STRBP: variants seen among roughly 807,000 people sequenced by gnomAD.
STRBP encodes spermatid perinuclear RNA-binding protein.
In STRBP, 13 loss-of-function variants were observed where a neutral mutation model predicts 80.1. The ratio of observed to expected loss-of-function variants is 0.16; its 90% CI spans 0.11 to 0.26. STRBP has a LOEUF of 0.26. STRBP is among the 10% of genes least tolerant of loss of function. The pLI, the probability that STRBP is intolerant of heterozygous loss-of-function variation, is 1.00. For synonymous variants in STRBP, 284 were observed against 291.2 expected (o/e 0.98, Z 0.25); for missense variants, 485 against 815.2 (o/e 0.59, Z 4.93).
At chr9:123,254,974 T>G (rs574325808) in intron 1 of STRBP, among the ~76,000 whole-genome samples, 25 of 152,336 alleles carry the variant, frequency 1.6e-4, no homozygotes, top group African/African-American at 5.8e-4. Context: ...ATGTCTTTTT[T>G]CAACTATTAA....
chr9:123,150,478 G>T (rs1189345784), intron 11 of STRBP, among the ~76,000 whole-genome samples: 1 of 152,116 alleles, frequency 6.6e-6, no homozygotes, highest in Non-Finnish European at 1.5e-5. Flanking sequence ...GAGGCAGGAG[G>T]ATTCATTGAG....
chr9:123,159,058 T>G (rs766045696), intron 9 of STRBP, 38 bp downstream of exon 9: 2 of 1,498,542 alleles, frequency 1.3e-6, no homozygotes, highest in South Asian at 2.3e-5. Context: ...AAACTGAGAT[T>G]TGCTGATTGT....
At chr9:123,116,937 T>A (rs1036652197), downstream of STRBP, among the ~76,000 whole-genome samples, 1 of 152,162 alleles carries the variant, frequency 6.6e-6, no homozygotes, top group African/African-American at 2.4e-5. Context: ...CTAAAAACAG[T>A]CTTAAGAAAT....
At chr9:123,157,670 C>A (rs2037346450) in intron 11 of STRBP, among the ~76,000 whole-genome samples, 1 of 152,102 alleles carries the variant, frequency 6.6e-6, no homozygotes, top group Admixed American at 6.6e-5. Flanking sequence ...TCCTTCTTCA[C>A]ATGGTGGCAG....
chr9:123,120,775 A>C (rs561603223), downstream of STRBP, among the ~76,000 whole-genome samples: 1 of 152,322 alleles, frequency 6.6e-6, no homozygotes, highest in East Asian at 1.9e-4. Context: ...TATTGGACAG[A>C]GGTCCATGAA....
chr9:123,265,934 G>A (rs1008562277), intron 1 of STRBP, among the ~76,000 whole-genome samples: 48 of 152,214 alleles, frequency 3.2e-4, no homozygotes, highest in African/African-American at 1.1e-3. Flanking sequence ...TAGGAGCTAG[G>A]TGTACATTAC....
chr9:123,193,184 C>G (rs1564285730), intron 2 of STRBP, among the ~76,000 whole-genome samples: 1 of 152,122 alleles, frequency 6.6e-6, no homozygotes, highest in Non-Finnish European at 1.5e-5. Context: ...CTTTATATTT[C>G]TATTACTCAG....
intron 11 of STRBP, among the ~76,000 whole-genome samples, chr9:123,153,984 G>C (rs2037172326): frequency 6.6e-6 from 1 of 152,168 alleles, no homozygotes; most frequent in African/African-American, 2.4e-5. Context: ...TGATGACCTG[G>C]AAGTCAAATG....
chr9:123,238,555 C>T (rs1043371804), intron 1 of STRBP, among the ~76,000 whole-genome samples: 2 of 152,212 alleles, frequency 1.3e-5, no homozygotes, highest in African/African-American at 4.8e-5. Context: ...GAGAACAGTA[C>T]ATTGTACTAG....
At chr9:123,196,692 C>G (rs981462057) in intron 2 of STRBP, among the ~76,000 whole-genome samples, 1 of 152,144 alleles carries the variant, frequency 6.6e-6, no homozygotes, top group Non-Finnish European at 1.5e-5. Context: ...GCGATATAAT[C>G]TTATCCCAGT....
chr9:123,141,323 T>C (rs1415552376), intron 13 of STRBP, among the ~76,000 whole-genome samples: 1 of 152,232 alleles, frequency 6.6e-6, no homozygotes, highest in Non-Finnish European at 1.5e-5. Context: ...ATAAAATGTC[T>C]TGTATTTGCT....
At chr9:123,205,175 A>C (rs1281424344) in intron 2 of STRBP, among the ~76,000 whole-genome samples, 1 of 152,092 alleles carries the variant, frequency 6.6e-6, no homozygotes, top group African/African-American at 2.4e-5. Context: ...CTGAGGCAAG[A>C]GAATTGTTTG....
intron 2 of STRBP, chr9:123,116,211 T>TG (rs2035642311): frequency 2.4e-6 from 1 of 416,168 alleles, no homozygotes; most frequent in Non-Finnish European, 4.8e-6. Flanking sequence ...ACTGTGACGG[T>TG]GATCCCATGG....
chr9:123,180,709 T>G (rs1414934375), intron 3 of STRBP, among the ~76,000 whole-genome samples: 1 of 152,166 alleles, frequency 6.6e-6, no homozygotes, highest in Non-Finnish European at 1.5e-5. Flanking sequence ...TATACACTCA[T>G]GAGTCACACA....
In STRBP at chr9:123,158,089, T is replaced by A; in HGVS notation, c.968A>T (p.Tyr323Phe). ...ALRLSAFGQI[Y>F]KVLEMDPLPS... ...AAGGGGGTCCATCTCCAGCACTTTG[T>A]AAATCTGGCCAAAGGCTGATAGTCT... The change falls in exon 11 of 19, where the codon TAC becomes TTC. Residue 323 changes from tyrosine (Y) to phenylalanine (F), a missense_variant. Around this residue, in one of 3 missense-constraint regions of STRBP, gnomAD observed 377 missense variants for 616.1 expected, o/e 0.61. Transcript: ENST00000348403. 1 of 1,610,206 alleles carries A rather than the reference T, an allele frequency of 6.2e-7. No individual in the cohort carries two copies.
At chr9:123,254,756 T>C (rs1197017125) in intron 1 of STRBP, among the ~76,000 whole-genome samples, 1 of 152,004 alleles carries the variant, frequency 6.6e-6, no homozygotes, top group Non-Finnish European at 1.5e-5. Context: ...AATAGGAAAA[T>C]TTTCTCATTT....
In STRBP at chr9:123,122,530, G is replaced by A. The variant is rs908242398; in HGVS notation, c.*3067C>T. ...TAACAATTTGAGAGAGACTACAAAC[G>A]ACTTCAGAACTATATAAACTCAACT... On this transcript the variant is annotated 3_prime_UTR_variant, in exon 19 of 19. Coordinates refer to ENST00000348403, the MANE Select transcript of STRBP (RefSeq NM_018387.5). The A allele has an allele frequency of 1.4e-5, 16 of 1,173,810 alleles. No homozygotes were observed. Among genetic ancestry groups the A allele is most frequent in the African/African-American group, 8.1e-5 (5 of 61,760 alleles). The allele number at this position is 1,173,810 out of a possible 1,614,324, so 72.7% of individuals were successfully genotyped here.
intron 6 of STRBP, among the ~76,000 whole-genome samples, chr9:123,164,393 A>C (rs1190365021): frequency 6.6e-6 from 1 of 152,154 alleles, no homozygotes; most frequent in Non-Finnish European, 1.5e-5. Context: ...ACCTAGCATC[A>C]GGGCATGAAG....
intron 2 of STRBP, among the ~76,000 whole-genome samples, chr9:123,215,282 C>A (rs2039858165): frequency 6.8e-6 from 1 of 146,900 alleles, no homozygotes; most frequent in Non-Finnish European, 1.5e-5. Flanking sequence ...GTTTCCAACT[C>A]CTGGGCTCAA....
Sources: gnomAD v4.1 joint callset for allele counts (sites outside exome capture counted in the v4.1 genomes callset) on GRCh38, gnomAD v4.1.1 for gene constraint, gnomAD v4.1.1 regional missense constraint, MANE v1.5 for transcripts, NCBI Gene and HGNC (gene_info 2026-07-23, HGNC 2026-07-21) for gene names.